Variants in SDK1 observed in about 807,000 individuals in gnomAD.
The protein encoded by SDK1 is protein sidekick-1.
A neutral mutation model predicts 245.5 loss-of-function variants in SDK1; 157 were observed. The observed-to-expected ratio is 0.64, with a 90% CI of 0.56 to 0.73. The LOEUF is 0.73. Ranked by LOEUF, SDK1 falls within the 30% of genes least tolerant of loss-of-function variation. The pLI is 0.00. For missense variants in SDK1, 3,583 were observed against 3,002.3 expected (o/e 1.19, Z -4.52); for synonymous variants, 1,647 against 1,278.5 (o/e 1.29, Z -6.15).
At chr7:3,537,495 C>A (rs900754739) in intron 1 of SDK1, among the ~76,000 whole-genome samples, 1 of 152,186 alleles carries the variant, frequency 6.6e-6, no homozygotes. Flanking sequence ...CTTTGTCACT[C>A]TAAGGAATTT....
intron 1 of SDK1, among the ~76,000 whole-genome samples, chr7:3,500,613 T>C (rs1782167347): frequency 6.6e-6 from 1 of 152,206 alleles, no homozygotes; most frequent in African/African-American, 2.4e-5. Flanking sequence ...TTCACAATGA[T>C]ACAGCTAATT....
At chr7:3,743,964 G>A (rs1309161124) in intron 4 of SDK1, among the ~76,000 whole-genome samples, 1 of 152,148 alleles carries the variant, frequency 6.6e-6, no homozygotes, top group Non-Finnish European at 1.5e-5. Flanking sequence ...ATTATCCTGT[G>A]TAATTAATAA....
intron 5 of SDK1, among the ~76,000 whole-genome samples, chr7:3,894,780 C>A (rs1781557313): frequency 6.7e-6 from 1 of 150,088 alleles, no homozygotes; most frequent in Admixed American, 6.7e-5. Flanking sequence ...TTCACTGCAA[C>A]CTCTGCCTCC....
At chr7:3,418,847 A>G (rs1468370016) in intron 1 of SDK1, among the ~76,000 whole-genome samples, 1 of 152,080 alleles carries the variant, frequency 6.6e-6, no homozygotes, top group Admixed American at 6.6e-5. Flanking sequence ...GATCTCCCCT[A>G]CCCCTCGCCT....
intron 5 of SDK1, among the ~76,000 whole-genome samples, chr7:3,943,302 G>A (rs566634014): frequency 7.9e-4 from 42 of 53,464 alleles, no homozygotes; most frequent in Non-Finnish European, 4.5e-4. Flanking sequence ...AGCTGTGGCC[G>A]GACTTCCCGC....
chr7:3,394,619 CA>C (rs1428041972), intron 1 of SDK1, among the ~76,000 whole-genome samples: 1 of 151,810 alleles, frequency 6.6e-6, no homozygotes, highest in Non-Finnish European at 1.5e-5. Flanking sequence ...GGAGAATTGC[CA>C]TTTTAACAAT....
At chr7:4,181,070 C>G (rs971712800) in intron 35 of SDK1, among the ~76,000 whole-genome samples, 1 of 152,242 alleles carries the variant, frequency 6.6e-6, no homozygotes, top group African/African-American at 2.4e-5. Context: ...TCTTCCCAAA[C>G]AGAAATCCCA....
intron 22 of SDK1, among the ~76,000 whole-genome samples, chr7:4,093,254 A>T (rs1039352178): frequency 6.6e-6 from 1 of 152,032 alleles, no homozygotes; most frequent in South Asian, 2.1e-4. Context: ...TGCAAATGTT[A>T]TATGTTTTCA....
intron 5 of SDK1, among the ~76,000 whole-genome samples, chr7:3,835,558 C>T (rs1204677134): frequency 2.0e-5 from 3 of 152,108 alleles, no homozygotes; most frequent in South Asian, 2.1e-4. Flanking sequence ...AGTCCTCTCA[C>T]CCCCCTTCTA....
intron 7 of SDK1, among the ~76,000 whole-genome samples, chr7:3,952,638 A>AT (rs971902933): frequency 6.6e-5 from 10 of 152,070 alleles, no homozygotes; most frequent in African/African-American, 1.7e-4. Flanking sequence ...TTTAGCTGTT[A>AT]TTTTTTGACC....
intron 5 of SDK1, among the ~76,000 whole-genome samples, chr7:3,860,869 CA>C (rs1780672722): frequency 6.6e-6 from 1 of 151,994 alleles, no homozygotes; most frequent in East Asian, 1.9e-4. Flanking sequence ...AATTGCTGAC[CA>C]AAAAAACTTG....
chr7:3,852,873 C>T lies in SDK1; in HGVS notation c.847+31290C>T, dbSNP rs190147495. Among the ~76,000 whole-genome samples, 114 of 151,658 alleles carry T rather than the reference C, an allele frequency of 7.5e-4. 2 individuals are homozygous for T. The highest frequency in any genetic ancestry group is 7.2e-3 in the Admixed American group (110 of 15,234). ...AATTCTTAAATTCCATGTACTTTTGCCATAATAGTCACCCACCCCCAGAGT... is the reference window on the plus strand; with the variant it reads ...AATTCTTAAATTCCATGTACTTTTGTCATAATAGTCACCCACCCCCAGAGT... On this transcript the variant is annotated intron_variant, in intron 5 of 44. Transcript: ENST00000404826.
chr7:3,509,761 G>T (rs1004567899), intron 1 of SDK1, among the ~76,000 whole-genome samples: 2 of 152,156 alleles, frequency 1.3e-5, no homozygotes, highest in African/African-American at 4.8e-5. Context: ...GCCCTGCAGA[G>T]GATTTCTGTA....
Position 3,974,407 on chromosome 7 carries a change from C to A in SDK1, c.1856C>A (p.Ser619Ter). ...WKKDNVALTP[S>*]STSRIVVEKD... ...AAGGACAACGTGGCCCTGACTCCATCGAGCACGTCTAGGATCGTGGTGGAG... is the reference window on the plus strand; with the variant it reads ...AAGGACAACGTGGCCCTGACTCCATAGAGCACGTCTAGGATCGTGGTGGAG... The change falls in exon 13 of 45, where the codon TCG (serine) becomes TAG (stop). Residue 619 changes from serine (S) to a stop codon, truncating the protein, a stop_gained. Transcript: ENST00000404826. LOFTEE classifies it high-confidence loss of function. 1.2e-6 allele frequency: 2 copies of A among 1,614,020 alleles called. No homozygotes were observed. The highest frequency in any genetic ancestry group is 1.1e-5 in the South Asian group (1 of 91,062).
At chr7:4,239,938 A>G (rs552293032) in intron 42 of SDK1, among the ~76,000 whole-genome samples, 1 of 152,278 alleles carries the variant, frequency 6.6e-6, no homozygotes, top group East Asian at 1.9e-4. Flanking sequence ...AAGTCCTACC[A>G]TCCTTGTGCC....
At chr7:3,381,753 T>C (rs997035714) in intron 1 of SDK1, among the ~76,000 whole-genome samples, 1 of 152,138 alleles carries the variant, frequency 6.6e-6, no homozygotes, top group African/African-American at 2.4e-5. Flanking sequence ...GAAAGGTGTG[T>C]GGACAGAAAT....
chr7:3,370,395 C>T (rs1781192719), intron 1 of SDK1, among the ~76,000 whole-genome samples: 1 of 152,164 alleles, frequency 6.6e-6, no homozygotes, highest in African/African-American at 2.4e-5. Context: ...AAGTCTGTAT[C>T]TTGACTTCAC....
intron 1 of SDK1, among the ~76,000 whole-genome samples, chr7:3,363,206 T>C (rs764935652): frequency 1.3e-5 from 2 of 152,230 alleles, no homozygotes; most frequent in East Asian, 3.8e-4. Context: ...ATTTCAAAAA[T>C]GTTATATAAA....
intron 5 of SDK1, among the ~76,000 whole-genome samples, chr7:3,838,680 A>G (rs1780083154): frequency 6.6e-6 from 1 of 152,196 alleles, no homozygotes; most frequent in African/African-American, 2.4e-5. Flanking sequence ...CAGCGATCTG[A>G]GGGAGCTGAT....
Sources: gnomAD v4.1 joint callset for allele counts (sites outside exome capture counted in the v4.1 genomes callset) on GRCh38, gnomAD v4.1.1 for gene constraint, MANE v1.5 for transcripts, NCBI Gene and HGNC (gene_info 2026-07-23, HGNC 2026-07-21) for gene names.